Variants in UBE3C observed in about 807,000 individuals in gnomAD.
UBE3C encodes the protein ubiquitin-protein ligase E3C.
A neutral mutation model predicts 129.4 loss-of-function variants in UBE3C; 42 were observed. That is an observed-to-expected ratio of 0.32 (90% CI 0.25 to 0.42). UBE3C has a LOEUF of 0.42. Among genes scored for constraint, UBE3C ranks in the 10% least tolerant of loss-of-function variants. The pLI, the probability that UBE3C is intolerant of heterozygous loss-of-function variation, is 1.00. For synonymous variants in UBE3C, 510 were observed against 492.4 expected (o/e 1.04, Z -0.47); for missense variants, 1,049 against 1,319.1 (o/e 0.80, Z 3.17).
chr7:157,152,105 G>A (rs375803712), intron 1 of UBE3C, among the ~76,000 whole-genome samples: 4 of 152,272 alleles, frequency 2.6e-5, no homozygotes, highest in South Asian at 2.1e-4. Context: ...GTCCAACCAT[G>A]GAGACGTGGT....
chr7:157,181,817 C>A (rs1203425147), intron 7 of UBE3C, 146 bp downstream of exon 7: 3 of 1,124,022 alleles, frequency 2.7e-6, no homozygotes, highest in African/African-American at 3.2e-5. Flanking sequence ...GGAAAGTGTA[C>A]TTTTTCTTTC....
At chr7:157,161,454 CTTTT>C (rs58211871) in intron 1 of UBE3C, among the ~76,000 whole-genome samples, 6 of 141,214 alleles carry the variant, frequency 4.2e-5, no homozygotes, top group African/African-American at 5.3e-5. Flanking sequence ...TTTGATTTTA[CTTTT>C]TTTTTTTTTT....
intron 10 of UBE3C, among the ~76,000 whole-genome samples, chr7:157,190,904 T>TCGTG (rs1808944516): frequency 6.6e-6 from 1 of 152,208 alleles, no homozygotes; most frequent in African/African-American, 2.4e-5. Flanking sequence ...CCATGGTGTT[T>TCGTG]CGTGCCCCTT....
rs993510199 is a variant in UBE3C, at chr7:157,168,073, C to T, written c.121-975C>T. On this transcript the variant is annotated intron_variant, in intron 2 of 22. Transcript: ENST00000348165. ...TAAAACTTTAAAAAGTCCTGCTAGC[C>T]GGGCACGGTGGCTCATGCCTGTAAT... Among the ~76,000 whole-genome samples, 15 of 151,774 alleles carry T rather than the reference C, an allele frequency of 9.9e-5. No individual in the cohort carries two copies. The South Asian group carries it at 1.5e-3, about 15-fold the overall frequency.
intron 1 of UBE3C, among the ~76,000 whole-genome samples, chr7:157,152,977 C>T (rs1189177508): frequency 6.6e-6 from 1 of 152,096 alleles, no homozygotes; most frequent in East Asian, 1.9e-4. Context: ...GGGTGGATTG[C>T]CTGAGGTCAG....
chr7:157,265,627 T>C (rs934008090), intron 22 of UBE3C, among the ~76,000 whole-genome samples: 6 of 152,206 alleles, frequency 3.9e-5, no homozygotes, highest in Non-Finnish European at 5.9e-5. Context: ...TCACCATTAA[T>C]AGGCAAGATG....
intron 10 of UBE3C, among the ~76,000 whole-genome samples, chr7:157,199,316 C>T (rs1464177771): frequency 6.6e-6 from 1 of 152,036 alleles, no homozygotes; most frequent in African/African-American, 2.4e-5. Flanking sequence ...AAATAAAACT[C>T]CACAAAGGCA....
At chr7:157,227,143 G>GA (rs1554434080) in intron 17 of UBE3C, among the ~76,000 whole-genome samples, 1 of 151,962 alleles carries the variant, frequency 6.6e-6, no homozygotes, top group African/African-American at 2.4e-5. Context: ...AATCCCAGGG[G>GA]AAAAAAATAG....
rs1271648935 is a variant in UBE3C at position 157,138,995 on chromosome 7, C to G, written c.-278C>G. The stretch of plus-strand genomic sequence containing the variant: ...GTTCCAGGTGCAAGCGCCGGGTTTG[C>G]TGCCCGCTGGGCGCCCCTGCAGCGG... On this transcript the variant is annotated 5_prime_UTR_variant, in exon 1 of 23. Transcript: ENST00000348165. 2 of 153,266 alleles carry G rather than the reference C, an allele frequency of 1.3e-5. No individual in the cohort carries two copies. The highest frequency in any genetic ancestry group is 6.5e-5 in the Admixed American group (1 of 15,298). 9.5% of individuals were successfully genotyped at this position (153,266 alleles called of 1,614,324 possible). A position where few individuals can be genotyped will look rare whatever the true frequency, so the allele number is the denominator to read the frequency against.
At chr7:157,186,336 T>A (rs1808804448) in intron 9 of UBE3C, among the ~76,000 whole-genome samples, 1 of 151,970 alleles carries the variant, frequency 6.6e-6, no homozygotes, top group Admixed American at 6.6e-5. Context: ...GGAGAATTGC[T>A]TGAACCTGGG....
At chr7:157,146,543 T>C (rs1335261957) in intron 1 of UBE3C, among the ~76,000 whole-genome samples, 2 of 152,244 alleles carry the variant, frequency 1.3e-5, no homozygotes, top group African/African-American at 4.8e-5. Flanking sequence ...TTCTAAGCTC[T>C]GTTATGGCTT....
intron 18 of UBE3C, among the ~76,000 whole-genome samples, chr7:157,240,351 G>C (rs183379530): frequency 6.6e-6 from 1 of 152,150 alleles, no homozygotes; most frequent in Admixed American, 6.5e-5. Context: ...CATAGCACCC[G>C]GCCAGCAAGC....
At chr7:157,165,397 C>CTTT (rs34554349) in intron 2 of UBE3C, among the ~76,000 whole-genome samples, 7 of 124,700 alleles carry the variant, frequency 5.6e-5, no homozygotes, top group African/African-American at 2.3e-4. Flanking sequence ...TTAGCATTGA[C>CTTT]TTTTTTTTTT....
At chr7:157,171,623 G>A (rs899257022) in intron 4 of UBE3C, among the ~76,000 whole-genome samples, 3 of 124,664 alleles carry the variant, frequency 2.4e-5, no homozygotes, top group Non-Finnish European at 3.3e-5. Context: ...TAAGAGATTT[G>A]TATATAATTG....
At chr7:157,139,558 C>G (rs1417888866) in intron 1 of UBE3C, among the ~76,000 whole-genome samples, 7 of 151,840 alleles carry the variant, frequency 4.6e-5, no homozygotes, top group Admixed American at 4.6e-4. Flanking sequence ...GGCCAGGACT[C>G]TGGCTGGGGC....
At chr7:157,258,968 G>A (rs1215917082) in intron 22 of UBE3C, among the ~76,000 whole-genome samples, 2 of 152,136 alleles carry the variant, frequency 1.3e-5, no homozygotes, top group Non-Finnish European at 2.9e-5. Flanking sequence ...AAGACATGAG[G>A]TCTTCCCTAA....
chr7:157,145,258 G>A lies in UBE3C; in HGVS notation c.66+5920G>A, dbSNP rs556806235. Among the ~76,000 whole-genome samples, 27 of 151,890 alleles carry A rather than the reference G, an allele frequency of 1.8e-4. 1 individual carries two copies. In the South Asian group the frequency reaches 5.6e-3, roughly 32 times the overall value. On this transcript the variant is annotated intron_variant, in intron 1 of 22. Transcript: ENST00000348165. Reference sequence around the variant, plus strand: ...TCTGTCTCCAAAAAAAAGAAAAAAGGAGGAGGCCCGGCACTTTGGAAGGCC... The same window carrying A: ...TCTGTCTCCAAAAAAAAGAAAAAAGAAGGAGGCCCGGCACTTTGGAAGGCC...
At chr7:157,192,625 C>G in intron 10 of UBE3C, 3 of 765,312 alleles carry the variant, frequency 3.9e-6, no homozygotes, top group Non-Finnish European at 7.2e-6. Context: ...TACCCCACTC[C>G]CAAGAAGAAT....
chr7:157,197,536 T>A, intron 10 of UBE3C: 1 of 936,796 alleles, frequency 1.1e-6, no homozygotes, highest in Admixed American at 2.5e-5. Context: ...ATGCTGGAGG[T>A]ATTGTCCTTA....
Sources: gnomAD v4.1 joint callset for allele counts (sites outside exome capture counted in the v4.1 genomes callset) on GRCh38, gnomAD v4.1.1 for gene constraint, MANE v1.5 for transcripts, NCBI Gene and HGNC (gene_info 2026-07-23, HGNC 2026-07-21) for gene names.